Variants in AFF1 observed in about 807,000 individuals in gnomAD.
The protein encoded by AFF1 is AF4/FMR2 family member 1.
AFF1 carries 48 observed loss-of-function variants against 121.7 expected under a neutral mutation model. The ratio of observed to expected loss-of-function variants is 0.39; its 90% CI spans 0.31 to 0.50. The LOEUF (loss-of-function observed/expected upper bound fraction) is 0.50. Ranked by LOEUF, AFF1 falls within the 20% of genes least tolerant of loss-of-function variation. The pLI, the probability that AFF1 is intolerant of heterozygous loss-of-function variation, is 0.76. For missense variants in AFF1, 1,523 were observed against 1,511.7 expected, an observed-to-expected ratio of 1.01 and a Z score of -0.12; for synonymous variants, 613 against 563.0, an observed-to-expected ratio of 1.09 and a Z score of -1.26.
chr4:87,017,537 C>A (rs1727426550), intron 2 of AFF1, among the ~76,000 whole-genome samples: 2 of 152,164 alleles, frequency 1.3e-5, no homozygotes, highest in Admixed American at 1.3e-4. Flanking sequence ...AAAACTCCAA[C>A]TCCACAACTC....
intron 2 of AFF1, among the ~76,000 whole-genome samples, chr4:87,029,473 T>A (rs977322708): frequency 2.0e-5 from 3 of 152,206 alleles, no homozygotes; most frequent in Admixed American, 1.3e-4. Context: ...ACCAGACTTT[T>A]GAAGAATCAG....
intron 2 of AFF1, among the ~76,000 whole-genome samples, chr4:87,042,837 GTTC>G (rs1159434142): frequency 1.3e-5 from 2 of 152,152 alleles, no homozygotes; most frequent in Admixed American, 1.3e-4. Context: ...GCTTAATTGT[GTTC>G]TTCTGGTTAT....
chr4:86,985,678 G>A (rs1031811887), intron 2 of AFF1, among the ~76,000 whole-genome samples: 4 of 151,888 alleles, frequency 2.6e-5, no homozygotes, highest in Middle Eastern at 3.4e-3. Flanking sequence ...CTCCATCTTA[G>A]TAAATAAATA....
chr4:87,019,355 A>T (rs781574244), intron 2 of AFF1, among the ~76,000 whole-genome samples: 16 of 152,178 alleles, frequency 1.1e-4, no homozygotes, highest in Non-Finnish European at 2.2e-4. Flanking sequence ...ACCTTCTCTT[A>T]TCTTCCTTTC....
intron 2 of AFF1, among the ~76,000 whole-genome samples, chr4:86,966,698 G>A (rs1398400263): frequency 3.3e-5 from 5 of 152,048 alleles, no homozygotes; most frequent in Admixed American, 6.6e-5. Context: ...TGATTGTAGC[G>A]TGTGGGCATC....
chr4:87,084,921 G>A (rs763164692), intron 5 of AFF1, among the ~76,000 whole-genome samples: 5 of 152,196 alleles, frequency 3.3e-5, no homozygotes, highest in Non-Finnish European at 4.4e-5. Context: ...ACCTCTTGGC[G>A]TTCTGTAGGT....
chr4:87,071,024 A>AT (rs1721988554), intron 4 of AFF1, among the ~76,000 whole-genome samples: 1 of 151,992 alleles, frequency 6.6e-6, no homozygotes, highest in Non-Finnish European at 1.5e-5. Context: ...AGAACCCCCA[A>AT]TTTTTTCTTT....
intron 4 of AFF1, among the ~76,000 whole-genome samples, chr4:87,081,454 G>A (rs1479511180): frequency 2.0e-5 from 3 of 152,062 alleles, no homozygotes; most frequent in Non-Finnish European, 2.9e-5. Flanking sequence ...GAGCCACTGC[G>A]CCCGGCCGTA....
At chr4:87,016,666 T>G (rs1448153348) in intron 2 of AFF1, among the ~76,000 whole-genome samples, 1 of 152,188 alleles carries the variant, frequency 6.6e-6, no homozygotes, top group Non-Finnish European at 1.5e-5. Flanking sequence ...GCGACCAGTT[T>G]TAGAACATTT....
intron 2 of AFF1, among the ~76,000 whole-genome samples, chr4:87,000,993 C>A (rs1401344496): frequency 7.0e-6 from 1 of 142,980 alleles, no homozygotes; most frequent in Non-Finnish European, 1.5e-5. Context: ...TTTCATAATT[C>A]TAATTTGTAT....
chr4:86,944,188 C>T (rs1720677457), intron 1 of AFF1, among the ~76,000 whole-genome samples: 1 of 151,038 alleles, frequency 6.6e-6, no homozygotes, highest in South Asian at 2.1e-4. Flanking sequence ...GTGGAATTGC[C>T]CCAGCACATG....
chr4:86,982,395 T>A (rs1440993940), intron 2 of AFF1, among the ~76,000 whole-genome samples: 2 of 131,682 alleles, frequency 1.5e-5, no homozygotes, highest in East Asian at 4.0e-4. Flanking sequence ...TGGCTTTTTT[T>A]TTTTTTTTTT....
chr4:86,941,651 CATAAATAAATAAATAA>C (rs71657599), intron 1 of AFF1, among the ~76,000 whole-genome samples: 1 of 150,776 alleles, frequency 6.6e-6, no homozygotes, highest in African/African-American at 2.4e-5. Flanking sequence ...GACTCTGTCT[CATAAATAAATAAATAA>C]ATAAATAAAT....
chr4:87,059,408 T>C (rs1720498201), intron 4 of AFF1, among the ~76,000 whole-genome samples: 1 of 152,254 alleles, frequency 6.6e-6, no homozygotes, highest in Non-Finnish European at 1.5e-5. Context: ...AGCTTGATCC[T>C]ATGGAGATTA....
chr4:87,048,259 A>G (rs1385393216), intron 4 of AFF1, among the ~76,000 whole-genome samples: 1 of 152,236 alleles, frequency 6.6e-6, no homozygotes, highest in Non-Finnish European at 1.5e-5. Flanking sequence ...AGTCACAAAT[A>G]TAATACAGAA....
intron 15 of AFF1, 52 bp downstream of exon 15, chr4:87,127,169 C>CG (rs1553937311): frequency 5.5e-6 from 7 of 1,282,880 alleles, no homozygotes; most frequent in Non-Finnish European, 6.6e-6. Flanking sequence ...TTTTGCTTCC[C>CG]CCCCCCACCA....
At chr4:87,041,704 C>A (rs758825522) in intron 2 of AFF1, among the ~76,000 whole-genome samples, 1 of 151,050 alleles carries the variant, frequency 6.6e-6, no homozygotes. Flanking sequence ...TGACAGTTAA[C>A]TTATAGTTAT....
chr4:86,972,131 CAAAAAAAA>C (rs59683267), intron 2 of AFF1, among the ~76,000 whole-genome samples: 19 of 57,946 alleles, frequency 3.3e-4, no homozygotes, highest in Non-Finnish European at 3.5e-4. Context: ...GAGCTTGTCT[CAAAAAAAA>C]AAAAAAAAAA....
intron 16 of AFF1, 143 bp downstream of exon 16, chr4:87,127,846 G>C: frequency 1.3e-6 from 1 of 785,160 alleles, no homozygotes. Context: ...GGAGAAAGGA[G>C]TGTATGGGCC....
Sources: gnomAD v4.1 joint callset for allele counts (sites outside exome capture counted in the v4.1 genomes callset) on GRCh38, gnomAD v4.1.1 for gene constraint, MANE v1.5 for transcripts, NCBI Gene and HGNC (gene_info 2026-07-23, HGNC 2026-07-21) for gene names.